Variants in CHID1 observed in about 807,000 individuals in gnomAD.
The protein encoded by CHID1 is chitinase domain-containing protein 1.
CHID1 carries 44 observed loss-of-function variants against 55.4 expected under a neutral mutation model. The ratio of observed to expected loss-of-function variants is 0.79; its 90% confidence interval spans 0.62 to 1.02. CHID1 has a LOEUF of 1.02. CHID1 is among the 50% of genes least tolerant of loss of function. CHID1 has a pLI of 0.00. For synonymous variants in CHID1, 216 were observed against 212.9 expected, an observed-to-expected ratio of 1.01 and a Z score of -0.13; for missense variants, 491 against 515.3, an observed-to-expected ratio of 0.95 and a Z score of 0.46.
At chr11:906,149 G>C (rs1003553836) in intron 1 of CHID1, among the ~76,000 whole-genome samples, 1 of 151,924 alleles carries the variant, frequency 6.6e-6, no homozygotes, top group Non-Finnish European at 1.5e-5. Flanking sequence ...GGCCAGGCTG[G>C]TCTCCACCTC....
intron 1 of CHID1, among the ~76,000 whole-genome samples, chr11:909,240 A>G (rs946189865): frequency 1.3e-4 from 20 of 152,188 alleles, no homozygotes; most frequent in African/African-American, 4.1e-4. Flanking sequence ...TGCTCTTCAC[A>G]TAACACAGAC....
chr11:880,563 C>A (rs971343914), intron 10 of CHID1, among the ~76,000 whole-genome samples: 3 of 152,226 alleles, frequency 2.0e-5, no homozygotes, highest in African/African-American at 7.2e-5. Context: ...GGAGGGCACC[C>A]CTGGAGGCCG....
In CHID1 at chr11:901,689, C is replaced by CG. The variant is rs531459586; in HGVS notation, c.394+508dup. ...GTCCTGCACACGCCTGTGTGCAGCC[C>CG]GGAAGTGCAAGGGAAGGCCACCCTC... On this transcript the variant is annotated intron_variant, in intron 4 of 12. Transcript: ENST00000323578. 1.2e-3 allele frequency among the ~76,000 whole-genome samples: 178 copies of CG among 152,310 alleles called. 2 individuals are homozygous for CG. Among genetic ancestry groups the CG allele is most frequent in the African/African-American group, 4.2e-3 (173 of 41,572 alleles).
intron 10 of CHID1, among the ~76,000 whole-genome samples, chr11:877,253 C>G (rs1374177042): frequency 6.6e-6 from 1 of 152,160 alleles, no homozygotes; most frequent in Non-Finnish European, 1.5e-5. Flanking sequence ...GGTGCAACTG[C>G]CCACGGGAAG....
At position 900,007 on chromosome 11, in the gene CHID1, T is replaced by G; in HGVS notation, c.543A>C (p.Ala181=). The G allele has an allele frequency of 6.2e-7, 1 of 1,612,824 alleles. No individual in the cohort carries two copies. Among genetic ancestry groups the G allele is most frequent in the Non-Finnish European group, 8.5e-7 (1 of 1,178,918 alleles). Reference sequence around the variant, plus strand: ...TGGAGCAGCACACAGGTCTCACCTTTGCCACCTGGACCACGGTCTTGCTCA... The same window carrying G: ...TGGAGCAGCACACAGGTCTCACCTTGGCCACCTGGACCACGGTCTTGCTCA... ...EELSKTVVQV[A]KNQHFDGFVV... Residue 181 remains alanine, a synonymous_variant, in exon 6 of 13, where the codon GCA becomes GCC. Coordinates refer to ENST00000323578, the MANE Select transcript of CHID1 (RefSeq NM_023947.4).
At chr11:876,411 A>T (rs1849518120) in intron 10 of CHID1, among the ~76,000 whole-genome samples, 1 of 152,188 alleles carries the variant, frequency 6.6e-6, no homozygotes, top group Non-Finnish European at 1.5e-5. Context: ...CCACCTGGGC[A>T]GAGCCAGGGT....
At position 869,533 on chromosome 11, in the gene CHID1, A is replaced by T. The variant is rs12801809; in HGVS notation, c.*325T>A. On this transcript the variant is annotated 3_prime_UTR_variant, in exon 13 of 13. Coordinates refer to ENST00000323578, the MANE Select transcript of CHID1 (RefSeq NM_023947.4). ...CTTCCAAACCCACATCCAGCCCAGG[A>T]TGTGAGAAGCAGCCCAGAAAGGCCT... The T allele has an allele frequency of 3.4e-3, 1,497 of 438,934 alleles. 4 individuals carry two copies. The highest frequency in any genetic ancestry group is 5.1e-3 in the Non-Finnish European group (1,221 of 240,702). The allele number at this position is 438,934 out of a possible 1,614,324, so 27.2% of individuals were successfully genotyped here.
At chr11:888,706 G>A (rs529520741) in intron 8 of CHID1, among the ~76,000 whole-genome samples, 11 of 152,354 alleles carry the variant, frequency 7.2e-5, no homozygotes, top group East Asian at 3.9e-4. Flanking sequence ...TCGCCATGTC[G>A]TGGGTGGGCC....
At chr11:899,317 C>G (rs1044927897) in intron 7 of CHID1, 23 bp downstream of exon 7, 101 of 1,586,702 alleles carry the variant, frequency 6.4e-5, no homozygotes, top group Non-Finnish European at 8.5e-5. Flanking sequence ...GAGGGCCACC[C>G]ACCACCACCT....
rs754840899 is a variant in CHID1, at chr11:870,117, G to A, written c.1083+4C>T. ...CCCGGTCCCACGGCTGGCAGCACAC[G>A]CACCTTCAGGGTTGGGTAGAAGACG... On this transcript the variant is annotated splice_donor_region_variant and intron_variant, in intron 12 of 12. Coordinates refer to ENST00000323578, the MANE Select transcript of CHID1 (RefSeq NM_023947.4). 21 of 1,612,758 alleles carry A rather than the reference G, an allele frequency of 1.3e-5. No homozygotes were observed. Among genetic ancestry groups the A allele is most frequent in the East Asian group, 6.7e-5 (3 of 44,898 alleles).
chr11:894,121 CAAAAAAAAAAAAAAAA>C (rs58548115), intron 7 of CHID1, among the ~76,000 whole-genome samples: 700 of 58,108 alleles, frequency 0.012, 6 homozygotes, highest in Middle Eastern at 0.083. Context: ...GACTCTGTCT[CAAAAAAAAAAAAAAAA>C]AAAAAAAAAA....
intron 7 of CHID1, 77 bp from the exon 8 acceptor site, chr11:893,596 C>T: frequency 4.1e-6 from 5 of 1,213,154 alleles, no homozygotes; most frequent in Non-Finnish European, 5.8e-6. Flanking sequence ...CCCGCTGCCT[C>T]AGGGAGGGGT....
At chr11:910,657 G>A (rs1427041990) in intron 1 of CHID1, 118 bp downstream of exon 1, 2 of 1,269,008 alleles carry the variant, frequency 1.6e-6, no homozygotes, top group Non-Finnish European at 2.0e-6. Context: ...GGCGTCGCCC[G>A]CGACCCCACG....
rs530576070 is a variant in CHID1 at position 904,879 on chromosome 11, C to T, written c.-43-20G>A. On this transcript the variant is annotated intron_variant, in intron 1 of 12. Coordinates refer to ENST00000323578, the MANE Select transcript of CHID1 (RefSeq NM_023947.4). Reference sequence around the variant, plus strand: ...AGAGGGCTGCAGGGAAAGCAGAGCACATTCAAACAACCGGCAGAGAAATGC... The same window carrying T: ...AGAGGGCTGCAGGGAAAGCAGAGCATATTCAAACAACCGGCAGAGAAATGC... The T allele has an allele frequency of 6.2e-7, 1 of 1,610,454 alleles. No homozygotes were observed. The highest frequency in any genetic ancestry group is 1.3e-5 in the African/African-American group (1 of 75,034).
chr11:906,464 C>G (rs1025115239), intron 1 of CHID1, among the ~76,000 whole-genome samples: 2 of 152,112 alleles, frequency 1.3e-5, no homozygotes, highest in Non-Finnish European at 2.9e-5. Flanking sequence ...GTCTCAAGCT[C>G]CTGGCCTCCC....
At chr11:872,337 T>C (rs1211319952) in intron 10 of CHID1, among the ~76,000 whole-genome samples, 1 of 152,194 alleles carries the variant, frequency 6.6e-6, no homozygotes, top group Non-Finnish European at 1.5e-5. Flanking sequence ...TTTGTATTTT[T>C]AGTAGAGATG....
rs149310110 is a variant in CHID1, at chr11:875,377, G to A, written c.960-4878C>T. On this transcript the variant is annotated intron_variant, in intron 10 of 12. Transcript: ENST00000323578. This position sits in a 1 kb window ranked among gnomAD's most constrained non-coding sequence, Gnocchi z 4.7. ...TTCACCGTCTCCCGCTCGGGGAGGC[G>A]GGCGTGGCTGGGCCCGCAGGTAATG... Among the ~76,000 whole-genome samples the A allele has an allele frequency of 4.3e-3, 650 of 152,338 alleles. 8 individuals carry two copies. Among genetic ancestry groups the A allele is most frequent in the African/African-American group, 0.015 (623 of 41,584 alleles).
intron 8 of CHID1, among the ~76,000 whole-genome samples, chr11:884,428 C>T (rs930757274): frequency 2.6e-5 from 4 of 152,114 alleles, no homozygotes; most frequent in African/African-American, 4.8e-5. Flanking sequence ...GACCTAATGG[C>T]GGGGAGACCT....
chr11:888,312 C>T (rs1269985918), intron 8 of CHID1, among the ~76,000 whole-genome samples: 1 of 152,148 alleles, frequency 6.6e-6, no homozygotes, highest in Non-Finnish European at 1.5e-5. Context: ...CAGTCCTGTG[C>T]CCCCGGTCCT....
Sources: allele counts gnomAD v4.1 joint callset (sites outside exome capture counted in the v4.1 genomes callset), GRCh38; gene constraint gnomAD v4.1.1; non-coding constraint Gnocchi (gnomAD v3.1); transcripts MANE v1.5; gene names NCBI Gene and HGNC (gene_info 2026-07-23, HGNC 2026-07-21).